Variants in VCP observed in about 807,000 individuals in gnomAD.
VCP encodes the protein transitional endoplasmic reticulum ATPase.
In VCP, 6 loss-of-function variants were observed where a neutral mutation model predicts 85.7. That is an observed-to-expected ratio of 0.07 (90% CI 0.04 to 0.14). The LOEUF (loss-of-function observed/expected upper bound fraction) is 0.14. Among genes scored for constraint, VCP ranks in the 10% least tolerant of loss-of-function variants. VCP has a pLI of 1.00. For missense variants in VCP, 353 were observed against 1,043.4 expected, an observed-to-expected ratio of 0.34 and a Z score of 9.12; for synonymous variants, 384 against 367.1, an observed-to-expected ratio of 1.05 and a Z score of -0.53.
chr9:35,070,430 TCAC>T (rs1210210912), intron 1 of VCP, among the ~76,000 whole-genome samples: 1 of 152,162 alleles, frequency 6.6e-6, no homozygotes, highest in Non-Finnish European at 1.5e-5. Context: ...ATGCCTCTAG[TCAC>T]CATAGTTTTT....
rs530571127 is a variant in VCP, at chr9:35,061,423, C to T, written c.1194+154G>A. The stretch of plus-strand genomic sequence containing the variant: ...CAGCGTCAACTATGAAAAATGCCAA[C>T]TCCCATTTCCTGGATTCAATCTCAG... On this transcript the variant is annotated intron_variant, in intron 10 of 16. Transcript: ENST00000358901. Among the ~76,000 whole-genome samples, 10 of 152,324 alleles carry T rather than the reference C, an allele frequency of 6.6e-5. No individual in the cohort carries two copies. In the South Asian group the frequency reaches 2.1e-3, roughly 32 times the overall value.
chr9:35,071,449 T>C (rs937746081), intron 1 of VCP, among the ~76,000 whole-genome samples: 4 of 152,046 alleles, frequency 2.6e-5, no homozygotes, highest in African/African-American at 9.6e-5. Flanking sequence ...TATAGCTGGT[T>C]GGGGAAAGGA....
intron 7 of VCP, 94 bp from the exon 8 acceptor site, chr9:35,062,444 G>A (rs1828745008): frequency 6.3e-7 from 1 of 1,590,068 alleles, no homozygotes; most frequent in Non-Finnish European, 8.6e-7. Context: ...CCCAGAGACA[G>A]GTCCTGGGTG....
chr9:35,056,884 G>A lies in VCP; in HGVS notation c.*233C>T, dbSNP rs1828617854. 5.8e-6 allele frequency: 3 copies of A among 517,968 alleles called. No homozygotes were observed. The highest frequency in any genetic ancestry group is 1.9e-5 in the South Asian group (1 of 52,248). 32.1% of individuals were successfully genotyped at this position (517,968 alleles called of 1,614,324 possible). On this transcript the variant is annotated 3_prime_UTR_variant, in exon 17 of 17. Coordinates refer to ENST00000358901, the MANE Select transcript of VCP (RefSeq NM_007126.5). ...GCATAGGCCCAAGGCCCAATTCCCT[G>A]TTGGTAATTCACTCTCCGCCTACCA...
At chr9:35,064,739 T>C (rs1281537354) in intron 5 of VCP, among the ~76,000 whole-genome samples, 9 of 152,204 alleles carry the variant, frequency 5.9e-5, no homozygotes, top group Admixed American at 2.0e-4. Context: ...CAATCACTTA[T>C]ATATTTTGGG....
intron 1 of VCP, among the ~76,000 whole-genome samples, chr9:35,070,536 T>C (rs1311557079): frequency 6.6e-6 from 1 of 152,142 alleles, no homozygotes; most frequent in African/African-American, 2.4e-5. Flanking sequence ...TGGGTTCAAG[T>C]GATTCTCCTG....
At chr9:35,057,251 G>A (rs1282639950) in intron 16 of VCP, 29 bp from the exon 17 acceptor site, 2 of 1,614,080 alleles carry the variant, frequency 1.2e-6, no homozygotes, top group East Asian at 2.2e-5. Flanking sequence ...CCAAAAAAGA[G>A]GGTTAGGACA....
intron 3 of VCP, 64 bp from the exon 4 acceptor site, chr9:35,066,881 A>G: frequency 6.2e-7 from 1 of 1,612,454 alleles, no homozygotes; most frequent in Non-Finnish European, 8.5e-7. Context: ...TGGGTGTCCA[A>G]AAGGGCCTGG....
intron 6 of VCP, among the ~76,000 whole-genome samples, chr9:35,063,910 T>C (rs1382919993): frequency 2.0e-5 from 3 of 152,266 alleles, no homozygotes; most frequent in East Asian, 3.8e-4. Context: ...AAAACCCATA[T>C]ATATATGTGT....
In VCP at chr9:35,060,514, C is replaced by T. The variant is rs775006879; in HGVS notation, c.1494G>A (p.Glu498=). Residue 498 remains glutamate (E), a synonymous_variant, in exon 13 of 17, where the codon GAG becomes GAA. Coordinates refer to ENST00000358901, the MANE Select transcript of VCP (RefSeq NM_007126.5). ...ELQELVQYPV[E]HPDKFLKFGM... Reference sequence around the variant, plus strand: ...CAAACTTCAGGAATTTGTCTGGGTGCTCCACAGGATACTAGGAGGAAAAGG... The same window carrying T: ...CAAACTTCAGGAATTTGTCTGGGTGTTCCACAGGATACTAGGAGGAAAAGG... The T allele has an allele frequency of 1.2e-5, 20 of 1,614,008 alleles. No individual in the cohort carries two copies. Among genetic ancestry groups the T allele is most frequent in the Middle Eastern group, 1.7e-4 (1 of 6,016 alleles).
rs937447991 is a variant in VCP, at chr9:35,059,360, A to G, written c.2004+133T>C. 5 of 1,527,206 alleles carry G rather than the reference A, an allele frequency of 3.3e-6. No homozygotes were observed. Among genetic ancestry groups the G allele is most frequent in the Non-Finnish European group, 4.4e-6 (5 of 1,125,736 alleles). 94.6% of individuals were successfully genotyped at this position (1,527,206 alleles called of 1,614,324 possible). ...TTATTCCTGATTCTAGATTATCTTG[A>G]TATCCTCAAAAATTCTACCTTCCCT... On this transcript the variant is annotated intron_variant, in intron 14 of 16. Coordinates refer to ENST00000358901, the MANE Select transcript of VCP (RefSeq NM_007126.5). This position sits in a 1 kb window ranked among gnomAD's most constrained non-coding sequence, Gnocchi z 4.9.
intron 1 of VCP, among the ~76,000 whole-genome samples, chr9:35,068,732 T>C (rs1007328531): frequency 1.3e-5 from 2 of 152,160 alleles, no homozygotes; most frequent in African/African-American, 4.8e-5. Context: ...AGGAACTCTA[T>C]AGTCAGACCC....
chr9:35,060,849 G>A lies in VCP; in HGVS notation c.1434C>T (p.Asp478=), dbSNP rs991196431. ...VVEVPQVTWE[D]IGGLEDVKRE... ...GTTTGACATCCTCTAGGCCCCCGAT[G>A]TCTTCCCAGGTTACCTGTGGCACCT... Residue 478 remains aspartate, a synonymous_variant, in exon 12 of 17, where the codon GAC becomes GAT. Transcript: ENST00000358901. The A allele has an allele frequency of 1.2e-6, 2 of 1,614,154 alleles. No individual in the cohort carries two copies. The highest frequency in any genetic ancestry group is 1.3e-5 in the African/African-American group (1 of 75,028).
Position 35,061,767 on chromosome 9 carries a change from T to C in VCP, c.1082-78A>G, listed in dbSNP as rs1423946639. 5 of 1,406,332 alleles carry C rather than the reference T, an allele frequency of 3.6e-6. No homozygotes were observed. The East Asian group carries it at 6.8e-5, about 19-fold the overall frequency. 87.1% of individuals were successfully genotyped at this position (1,406,332 alleles called of 1,614,324 possible). A position where few individuals can be genotyped will look rare whatever the true frequency, so the allele number is the denominator to read the frequency against. On this transcript the variant is annotated intron_variant, in intron 9 of 16. Coordinates refer to ENST00000358901, the MANE Select transcript of VCP (RefSeq NM_007126.5). ...GAGACAGGCCTAGGGTGACCAACCATCTCAGCCAGCACAGGATTGTCCTAA... is the reference window on the plus strand; with the variant it reads ...GAGACAGGCCTAGGGTGACCAACCACCTCAGCCAGCACAGGATTGTCCTAA...
At position 35,057,233 on chromosome 9, in the gene VCP, G is replaced by C; in HGVS notation, c.2316-11C>G. 1 of 1,614,186 alleles carries C rather than the reference G, an allele frequency of 6.2e-7. No individual in the cohort carries two copies. Among genetic ancestry groups the C allele is most frequent in the Non-Finnish European group, 8.5e-7 (1 of 1,180,034 alleles). ...TTCCCTGAAGGGAATCTGTGTACAA[G>C]AGCAAAGCCAAAAAAGAGGGTTAGG... On this transcript the variant is annotated splice_polypyrimidine_tract_variant and intron_variant, in intron 16 of 16. Coordinates refer to ENST00000358901, the MANE Select transcript of VCP (RefSeq NM_007126.5).
chr9:35,072,240 C>G (rs1828970489), intron 1 of VCP, 97 bp downstream of exon 1: 10 of 1,468,954 alleles, frequency 6.8e-6, no homozygotes, highest in Non-Finnish European at 9.0e-6. Context: ...GTCTCCACCT[C>G]TCTGACGCGC....
At chr9:35,072,221 T>C (rs1430405848) in intron 1 of VCP, 116 bp downstream of exon 1, 1 of 1,452,054 alleles carries the variant, frequency 6.9e-7, no homozygotes, top group Non-Finnish European at 9.1e-7. Flanking sequence ...TTCCCTTCCC[T>C]CTTTCCTGGT....
Position 35,057,070 on chromosome 9 carries a change from G to A in VCP, c.*47C>T, listed in dbSNP as rs866211993. On this transcript the variant is annotated 3_prime_UTR_variant, in exon 17 of 17. Coordinates refer to ENST00000358901, the MANE Select transcript of VCP (RefSeq NM_007126.5). ...CTGGGCAAGCGCCCCCACCCCCAGG[G>A]AACAAGGTCCAGGCAGGCCAGCTCA... 2 of 1,603,842 alleles carry A rather than the reference G, an allele frequency of 1.2e-6. No individual in the cohort carries two copies. The highest frequency in any genetic ancestry group is 2.7e-5 in the African/African-American group (2 of 74,784).
intron 1 of VCP, among the ~76,000 whole-genome samples, chr9:35,071,142 G>A (rs200358956): frequency 2.6e-5 from 4 of 152,088 alleles, no homozygotes; most frequent in African/African-American, 9.7e-5. Flanking sequence ...TAAACCAAAA[G>A]AATACTTTCA....
Sources: allele counts gnomAD v4.1 joint callset (sites outside exome capture counted in the v4.1 genomes callset), GRCh38; gene constraint gnomAD v4.1.1; non-coding constraint Gnocchi (gnomAD v3.1); transcripts MANE v1.5; gene names NCBI Gene and HGNC (gene_info 2026-07-23, HGNC 2026-07-21).